SLC38A4: variants seen among roughly 807,000 people sequenced by gnomAD.
SLC38A4 encodes the protein solute carrier family 38 member 4.
In SLC38A4, 20 loss-of-function variants were observed where a neutral mutation model predicts 63.1. The observed-to-expected ratio is 0.32, with a 90% CI of 0.22 to 0.46. SLC38A4 has a LOEUF of 0.46. Among genes scored for constraint, SLC38A4 ranks in the 20% least tolerant of loss-of-function variants. The pLI is 1.00. For missense variants in SLC38A4, 526 were observed against 663.6 expected, an observed-to-expected ratio of 0.79 and a Z score of 2.28; for synonymous variants, 230 against 225.5, an observed-to-expected ratio of 1.02 and a Z score of -0.18.
intron 5 of SLC38A4, among the ~76,000 whole-genome samples, chr12:46,787,542 G>C (rs79297632): frequency 0.065 from 9,875 of 152,114 alleles, 369 homozygotes; most frequent in South Asian, 0.14. Context: ...TGTATCTGTC[G>C]CACAGGGGTA....
At chr12:46,828,417 G>T (rs1462430916), upstream of SLC38A4, among the ~76,000 whole-genome samples, 2 of 152,162 alleles carry the variant, frequency 1.3e-5, no homozygotes, top group East Asian at 3.9e-4. Context: ...TGCCTCCTGG[G>T]TTCAAGCAAT....
intron 1 of SLC38A4, among the ~76,000 whole-genome samples, chr12:46,814,346 T>C (rs142007654): frequency 5.0e-4 from 76 of 152,044 alleles, no homozygotes; most frequent in Non-Finnish European, 5.9e-4. Flanking sequence ...CAGTTTGCAA[T>C]ATGTGTTTGT....
In SLC38A4 at chr12:46,794,394, T is replaced by A. The variant is rs114888285; in HGVS notation, c.-112-1211A>T. 5.4e-3 allele frequency among the ~76,000 whole-genome samples: 813 copies of A among 151,938 alleles called. 7 individuals are homozygous for A. Among genetic ancestry groups the A allele is most frequent in the African/African-American group, 0.018 (756 of 41,466 alleles). On this transcript the variant is annotated intron_variant, in intron 2 of 16. Coordinates refer to ENST00000266579, the MANE Select transcript of SLC38A4 (RefSeq NM_018018.5). Reference sequence around the variant, plus strand: ...AAGGAACTACAAATAACAAAGCAATTTAAAAGGGACTTTTACATTAAATTA... The same window carrying A: ...AAGGAACTACAAATAACAAAGCAATATAAAAGGGACTTTTACATTAAATTA...
At chr12:46,800,548 C>T (rs940365897) in intron 2 of SLC38A4, among the ~76,000 whole-genome samples, 1 of 151,988 alleles carries the variant, frequency 6.6e-6, no homozygotes, top group African/African-American at 2.4e-5. Flanking sequence ...CTAAAACAAC[C>T]TGAAAATCTT....
At chr12:46,825,082 G>A (rs1939620240) in intron 1 of SLC38A4, among the ~76,000 whole-genome samples, 1 of 151,624 alleles carries the variant, frequency 6.6e-6, no homozygotes, top group Non-Finnish European at 1.5e-5. Context: ...ACTAAAGTGT[G>A]TCAGGTGTAA....
intron 6 of SLC38A4, 137 bp from the exon 7 acceptor site, chr12:46,784,771 C>T (rs1938723605): frequency 1.5e-6 from 1 of 650,010 alleles, no homozygotes; most frequent in Admixed American, 3.1e-5. Context: ...AAGATGCAAC[C>T]TCAAAAACCA....
intron 6 of SLC38A4, 131 bp from the exon 7 acceptor site, chr12:46,784,765 T>C (rs1020510406): frequency 7.4e-6 from 5 of 680,050 alleles, no homozygotes; most frequent in Non-Finnish European, 1.2e-5. Context: ...GCCCAAAAGA[T>C]GCAACCTCAA....
At position 46,776,821 on chromosome 12, in the gene SLC38A4, A is replaced by G. The variant is rs1359555175; in HGVS notation, c.1174+83T>C. 6.5e-6 allele frequency: 8 copies of G among 1,221,760 alleles called. No homozygotes were observed. The Admixed American group carries it at 1.0e-4, about 16-fold the overall frequency. 75.7% of individuals were successfully genotyped at this position (1,221,760 alleles called of 1,614,324 possible). ...CTATAGAGCATGCTTATAGAAGGCA[A>G]TTTTTAAAAATCATACCTACCCAGG... is the stretch of plus-strand genomic sequence containing the variant. On this transcript the variant is annotated intron_variant, in intron 13 of 16. Coordinates refer to ENST00000266579, the MANE Select transcript of SLC38A4 (RefSeq NM_018018.5).
chr12:46,776,001 ATAGTCAAATAT>A (rs1349165652), intron 13 of SLC38A4, among the ~76,000 whole-genome samples: 1 of 152,000 alleles, frequency 6.6e-6, no homozygotes, highest in Non-Finnish European at 1.5e-5. Flanking sequence ...TGTTTGGTTA[ATAGTCAAATAT>A]TAGTCAAATA....
rs74655619 is a variant in SLC38A4 at position 46,808,613 on chromosome 12, A to G, written c.-304-4819T>C. Reference sequence around the variant, plus strand: ...GAAAAAGATCCTTCTGGTCCACTTCATTTATTGATCCCACACTGAAATGAT... The same window carrying G: ...GAAAAAGATCCTTCTGGTCCACTTCGTTTATTGATCCCACACTGAAATGAT... On this transcript the variant is annotated intron_variant, in intron 1 of 16. Transcript: ENST00000266579. Among the ~76,000 whole-genome samples, 450 of 152,104 alleles carry G rather than the reference A, an allele frequency of 3.0e-3. 6 individuals carry two copies. The highest frequency in any genetic ancestry group is 0.029 in the East Asian group (151 of 5,150).
intron 13 of SLC38A4, among the ~76,000 whole-genome samples, chr12:46,775,375 T>G (rs1211313442): frequency 6.6e-6 from 1 of 152,060 alleles, no homozygotes; most frequent in Non-Finnish European, 1.5e-5. Flanking sequence ...CTGATAACGT[T>G]GCAGAAGGTA....
At chr12:46,792,829 A>G (rs1938918608) in intron 3 of SLC38A4, 124 bp downstream of exon 3, 1 of 708,570 alleles carries the variant, frequency 1.4e-6, no homozygotes, top group African/African-American at 1.7e-5. Context: ...ATGTGCTAGC[A>G]TCAATATCAT....
intron 12 of SLC38A4, 111 bp downstream of exon 12, chr12:46,778,178 C>A (rs1185709856): frequency 5.0e-6 from 5 of 1,005,112 alleles, no homozygotes; most frequent in Non-Finnish European, 6.1e-6. Context: ...GGATGGAGTA[C>A]ATATTTTCTC....
chr12:46,775,205 G>C, intron 13 of SLC38A4, 32 bp from the exon 14 acceptor site: 1 of 1,603,686 alleles, frequency 6.2e-7, no homozygotes, highest in Non-Finnish European at 8.5e-7. Context: ...GAAACCGCTT[G>C]GTGTTGTCAA....
intron 15 of SLC38A4, among the ~76,000 whole-genome samples, chr12:46,768,922 A>G (rs1592173009): frequency 6.6e-6 from 1 of 152,038 alleles, no homozygotes; most frequent in Admixed American, 6.6e-5. Flanking sequence ...TTCAGCTGAT[A>G]CTCGTAGTAT....
intron 16 of SLC38A4, among the ~76,000 whole-genome samples, chr12:46,767,158 T>A (rs1310621937): frequency 1.3e-5 from 2 of 151,990 alleles, no homozygotes; most frequent in Admixed American, 1.3e-4. Context: ...TAAAAAAGAA[T>A]AGCATATATG....
intron 14 of SLC38A4, 55 bp downstream of exon 14, chr12:46,774,994 T>G: frequency 6.3e-7 from 1 of 1,586,764 alleles, no homozygotes; most frequent in Non-Finnish European, 8.6e-7. Flanking sequence ...GTAGAACACA[T>G]GTACTAATTT....
chr12:46,797,934 A>T (rs933630286), intron 2 of SLC38A4, among the ~76,000 whole-genome samples: 1 of 152,074 alleles, frequency 6.6e-6, no homozygotes, highest in African/African-American at 2.4e-5. Flanking sequence ...TCTATTATAA[A>T]TTTTTCTTTC....
At chr12:46,780,483 CT>C (rs1938616607) in intron 7 of SLC38A4, among the ~76,000 whole-genome samples, 2 of 151,952 alleles carry the variant, frequency 1.3e-5, no homozygotes, top group African/African-American at 4.8e-5. Flanking sequence ...CAATCTAGTC[CT>C]CCGGGACCTA....
Sources: gnomAD v4.1 joint callset for allele counts (sites outside exome capture counted in the v4.1 genomes callset) on GRCh38, gnomAD v4.1.1 for gene constraint, MANE v1.5 for transcripts, NCBI Gene and HGNC (gene_info 2026-07-23, HGNC 2026-07-21) for gene names.